The following SERINC5 variants were observed in gnomAD, a reference collection of about 807,000 sequenced individuals.
The protein encoded by SERINC5 is chromosome 5 open reading frame 12.
A neutral mutation model predicts 63.1 loss-of-function variants in SERINC5; 41 were observed. The observed-to-expected ratio is 0.65, with a 90% CI of 0.51 to 0.84. SERINC5 has a LOEUF of 0.84. Among genes scored for constraint, SERINC5 ranks in the 40% least tolerant of loss-of-function variants. SERINC5 has a pLI of 0.00. For synonymous variants in SERINC5, 222 were observed against 215.2 expected, an observed-to-expected ratio of 1.03 and a Z score of -0.28; for missense variants, 523 against 573.0, an observed-to-expected ratio of 0.91 and a Z score of 0.89.
chr5:80,183,726 C>G (rs1467652398), intron 2 of SERINC5, among the ~76,000 whole-genome samples: 3 of 152,022 alleles, frequency 2.0e-5, no homozygotes, highest in Non-Finnish European at 2.9e-5. Flanking sequence ...CAGAGAACAA[C>G]CCCCTTTGAC....
At chr5:80,155,377 C>T (rs191342833) in intron 8 of SERINC5, among the ~76,000 whole-genome samples, 3 of 152,248 alleles carry the variant, frequency 2.0e-5, no homozygotes, top group Admixed American at 6.5e-5. Context: ...CCAGCCTGAC[C>T]AACATGGTGA....
intron 1 of SERINC5, among the ~76,000 whole-genome samples, chr5:80,236,698 G>T (rs895999336): frequency 8.6e-5 from 13 of 151,960 alleles, no homozygotes; most frequent in Non-Finnish European, 1.8e-4. Flanking sequence ...GCTAATTTTT[G>T]TATTTTCAGT....
At chr5:80,215,008 C>T (rs1750602059) in intron 1 of SERINC5, among the ~76,000 whole-genome samples, 2 of 152,040 alleles carry the variant, frequency 1.3e-5, no homozygotes, top group African/African-American at 4.8e-5. Context: ...TGTAAATAAA[C>T]CAATACTTGG....
At chr5:80,133,283 C>G (rs1272072511) in intron 11 of SERINC5, among the ~76,000 whole-genome samples, 1 of 152,126 alleles carries the variant, frequency 6.6e-6, no homozygotes, top group Non-Finnish European at 1.5e-5. Context: ...TTGGGTATTC[C>G]TTTAGAGCAA....
chr5:80,243,710 A>C (rs1229631824), intron 1 of SERINC5, among the ~76,000 whole-genome samples: 1 of 151,818 alleles, frequency 6.6e-6, no homozygotes, highest in African/African-American at 2.4e-5. Context: ...GTTTGGGACC[A>C]GCCTGGGCAA....
chr5:80,251,266 G>C (rs1339004438), intron 1 of SERINC5, among the ~76,000 whole-genome samples: 1 of 150,202 alleles, frequency 6.7e-6, no homozygotes, highest in Non-Finnish European at 1.5e-5. Context: ...GCAAGAGCTA[G>C]ATCCCATCTT....
intron 9 of SERINC5, among the ~76,000 whole-genome samples, chr5:80,148,929 T>C (rs1025387160): frequency 2.0e-5 from 3 of 152,164 alleles, no homozygotes; most frequent in Admixed American, 6.5e-5. Context: ...TTGGATTAAG[T>C]GCCATGGTCT....
rs192587596 is a variant in SERINC5, at chr5:80,204,078, C to T, written c.28-1025G>A. On this transcript the variant is annotated intron_variant, in intron 1 of 11. Transcript: ENST00000507668. The stretch of plus-strand genomic sequence containing the variant: ...AAACTCCAAGGGAACGATGCTCTGG[C>T]GCTCGGGACCCTTCCGGACAGTGCC... Among the ~76,000 whole-genome samples, 111 of 152,308 alleles carry T rather than the reference C, an allele frequency of 7.3e-4. 1 individual carries two copies. The South Asian group carries it at 0.021, about 28-fold the overall frequency.
intron 4 of SERINC5, among the ~76,000 whole-genome samples, chr5:80,176,890 C>T (rs753691899): frequency 1.6e-4 from 24 of 152,180 alleles, no homozygotes; most frequent in Non-Finnish European, 2.8e-4. Context: ...TGAATTAAAG[C>T]AGGTTCTAAC....
At chr5:80,199,974 A>T (rs1448864875) in intron 2 of SERINC5, among the ~76,000 whole-genome samples, 4 of 152,220 alleles carry the variant, frequency 2.6e-5, no homozygotes, top group African/African-American at 9.6e-5. Flanking sequence ...GGACGCTCAG[A>T]ATAAGAGTTA....
rs374619362 is a variant in SERINC5 at position 80,213,944 on chromosome 5, C to G, written c.28-10891G>C. On this transcript the variant is annotated intron_variant, in intron 1 of 11. Coordinates refer to ENST00000507668, the MANE Select transcript of SERINC5 (RefSeq NM_001174072.3). Reference sequence around the variant, plus strand: ...AGACCTTGATTCTACACTCTCTAAGCAAGAAAACAAAGATATACATAAGAT... The same window carrying G: ...AGACCTTGATTCTACACTCTCTAAGGAAGAAAACAAAGATATACATAAGAT... Among the ~76,000 whole-genome samples the G allele has an allele frequency of 2.9e-3, 438 of 152,220 alleles. 1 individual carries two copies. Among genetic ancestry groups the G allele is most frequent in the African/African-American group, 9.7e-3 (405 of 41,546 alleles).
At chr5:80,133,554 A>G (rs1745033537) in intron 11 of SERINC5, among the ~76,000 whole-genome samples, 1 of 152,226 alleles carries the variant, frequency 6.6e-6, no homozygotes, top group African/African-American at 2.4e-5. Flanking sequence ...CCTTTCAAGC[A>G]AATTTTAGAA....
intron 1 of SERINC5, among the ~76,000 whole-genome samples, chr5:80,214,328 T>C (rs968170078): frequency 6.6e-6 from 1 of 152,216 alleles, no homozygotes; most frequent in African/African-American, 2.4e-5. Context: ...TGAGTGACTA[T>C]GCTCTTCTGT....
At chr5:80,219,860 T>G (rs1179496211) in intron 1 of SERINC5, among the ~76,000 whole-genome samples, 1 of 152,204 alleles carries the variant, frequency 6.6e-6, no homozygotes, top group African/African-American at 2.4e-5. Flanking sequence ...CCTTTTTGTT[T>G]TTTTTCATTC....
chr5:80,205,910 A>AAAAACAAAACAAAACAAAACAAAAC (rs201969229), intron 1 of SERINC5, among the ~76,000 whole-genome samples: 1 of 149,298 alleles, frequency 6.7e-6, no homozygotes, highest in African/African-American at 2.5e-5. Context: ...CGTCTCTACT[A>AAAAACAAAACAAAACAAAACAAAAC]AATACAAAAC....
chr5:80,204,345 G>A (rs777784357), intron 1 of SERINC5, among the ~76,000 whole-genome samples: 23 of 152,288 alleles, frequency 1.5e-4, no homozygotes, highest in Admixed American at 2.6e-4. Flanking sequence ...AGGTCTGTGC[G>A]AACTCTAGGT....
chr5:80,127,445 A>G (rs73125917), intron 11 of SERINC5, among the ~76,000 whole-genome samples: 2,367 of 152,292 alleles, frequency 0.016, 49 homozygotes, highest in African/African-American at 0.054. Context: ...GTAGCCCACA[A>G]TGTGAGCAAG....
intron 11 of SERINC5, among the ~76,000 whole-genome samples, chr5:80,125,171 T>C (rs1744699995): frequency 6.6e-6 from 1 of 152,200 alleles, no homozygotes; most frequent in Non-Finnish European, 1.5e-5. Context: ...CATCACAACC[T>C]TATGCTAGGT....
At chr5:80,174,562 G>C (rs1218539547) in intron 5 of SERINC5, among the ~76,000 whole-genome samples, 1 of 151,854 alleles carries the variant, frequency 6.6e-6, no homozygotes, top group East Asian at 1.9e-4. Context: ...GTTCTATTAA[G>C]AGCAATGAGC....
Sources: allele counts gnomAD v4.1 joint callset (sites outside exome capture counted in the v4.1 genomes callset), GRCh38; gene constraint gnomAD v4.1.1; transcripts MANE v1.5; gene names NCBI Gene and HGNC (gene_info 2026-07-23, HGNC 2026-07-21).